The following AGBL4 variants were observed in gnomAD, a reference collection of about 807,000 sequenced individuals.
AGBL4 encodes cytosolic carboxypeptidase 6.
A neutral mutation model predicts 66.4 loss-of-function variants in AGBL4; 58 were observed. The ratio of observed to expected loss-of-function variants is 0.87; its 90% confidence interval spans 0.71 to 1.09. AGBL4 has a LOEUF of 1.09. Ranked by LOEUF, AGBL4 falls within the 50% of genes least tolerant of loss-of-function variation. The pLI, the probability that AGBL4 is intolerant of heterozygous loss-of-function variation, is 0.00. For synonymous variants in AGBL4, 234 were observed against 222.9 expected, an observed-to-expected ratio of 1.05 and a Z score of -0.44; for missense variants, 579 against 631.0, an observed-to-expected ratio of 0.92 and a Z score of 0.88.
intron 2 of AGBL4, among the ~76,000 whole-genome samples, chr1:49,719,207 T>C (rs1044782643): frequency 6.6e-6 from 1 of 152,186 alleles, no homozygotes; most frequent in South Asian, 2.1e-4. Flanking sequence ...AATCTTACTA[T>C]GCTAGAAAAT....
intron 1 of AGBL4, among the ~76,000 whole-genome samples, chr1:49,866,845 T>A (rs1403057948): frequency 6.6e-6 from 1 of 151,978 alleles, no homozygotes; most frequent in African/African-American, 2.4e-5. Context: ...CACATCATTC[T>A]CATGGCAACT....
intron 6 of AGBL4, among the ~76,000 whole-genome samples, chr1:48,746,411 C>T (rs1176479553): frequency 2.0e-5 from 3 of 151,878 alleles, no homozygotes; most frequent in African/African-American, 2.4e-5. Context: ...CTCCACAGCC[C>T]ACCCACTCTC....
chr1:49,364,772 CG>C (rs1430812647), intron 3 of AGBL4, among the ~76,000 whole-genome samples: 1 of 152,168 alleles, frequency 6.6e-6, no homozygotes, highest in Non-Finnish European at 1.5e-5. Flanking sequence ...GCCACCGTGC[CG>C]GGCCCATGTG....
intron 1 of AGBL4, among the ~76,000 whole-genome samples, chr1:49,891,931 T>A (rs1334357882): frequency 6.6e-6 from 1 of 152,164 alleles, no homozygotes; most frequent in East Asian, 1.9e-4. Context: ...CAGAGCTACA[T>A]CATCCATTCC....
intron 6 of AGBL4, among the ~76,000 whole-genome samples, chr1:48,782,236 C>T (rs1028420831): frequency 3.3e-5 from 5 of 152,322 alleles, no homozygotes; most frequent in African/African-American, 1.2e-4. Context: ...TGTGCTTTGC[C>T]TTTCATCCAA....
intron 1 of AGBL4, among the ~76,000 whole-genome samples, chr1:49,924,783 GGGA>G (rs989636333): frequency 6.6e-6 from 1 of 152,102 alleles, no homozygotes; most frequent in Non-Finnish European, 1.5e-5. Flanking sequence ...AAAATAGTAG[GGGA>G]GGAGGAGCAA....
At chr1:48,907,547 T>A (rs1330348265) in intron 5 of AGBL4, among the ~76,000 whole-genome samples, 1 of 152,142 alleles carries the variant, frequency 6.6e-6, no homozygotes, top group Non-Finnish European at 1.5e-5. Context: ...CCCTGAAGCC[T>A]TATATCAAGC....
intron 6 of AGBL4, among the ~76,000 whole-genome samples, chr1:48,782,651 G>A (rs1645324014): frequency 6.6e-6 from 1 of 152,112 alleles, no homozygotes; most frequent in Non-Finnish European, 1.5e-5. Flanking sequence ...AAATTAAGAG[G>A]CAAGTACAGA....
intron 3 of AGBL4, among the ~76,000 whole-genome samples, chr1:49,651,234 T>C (rs1645998403): frequency 6.6e-6 from 1 of 152,140 alleles, no homozygotes; most frequent in Admixed American, 6.5e-5. Flanking sequence ...AGGATTGTGT[T>C]CCTGCCTGCC....
intron 6 of AGBL4, among the ~76,000 whole-genome samples, chr1:48,787,856 C>A (rs1005765122): frequency 1.3e-5 from 2 of 152,204 alleles, no homozygotes; most frequent in Non-Finnish European, 2.9e-5. Flanking sequence ...TTTATCTCAA[C>A]TGGTAGGTCT....
chr1:49,644,239 C>G (rs1571236271), intron 3 of AGBL4, among the ~76,000 whole-genome samples: 2 of 151,644 alleles, frequency 1.3e-5, no homozygotes, highest in East Asian at 3.9e-4. Flanking sequence ...AAGATGGAAT[C>G]AACAAAAATG....
chr1:49,100,234 T>G (rs370206465), intron 4 of AGBL4, among the ~76,000 whole-genome samples: 2 of 152,174 alleles, frequency 1.3e-5, no homozygotes, highest in East Asian at 3.9e-4. Flanking sequence ...GCTCTGGAGC[T>G]AGAATGGCTT....
chr1:49,539,002 A>T (rs1651809823), intron 3 of AGBL4, among the ~76,000 whole-genome samples: 1 of 152,178 alleles, frequency 6.6e-6, no homozygotes. Flanking sequence ...TCAGTATACT[A>T]TCATTTATAG....
At chr1:48,599,242 A>T (rs1645040884) in intron 9 of AGBL4, among the ~76,000 whole-genome samples, 1 of 152,232 alleles carries the variant, frequency 6.6e-6, no homozygotes, top group South Asian at 2.1e-4. Context: ...GTAGAAGTAC[A>T]CTCTAAAATA....
At chr1:49,292,309 T>C (rs1044222039) in intron 3 of AGBL4, among the ~76,000 whole-genome samples, 4 of 152,292 alleles carry the variant, frequency 2.6e-5, no homozygotes, top group Admixed American at 1.3e-4. Flanking sequence ...CTGGATGTCA[T>C]GAACAGCAGC....
chr1:49,773,628 T>G (rs1488084766), intron 2 of AGBL4, among the ~76,000 whole-genome samples: 2 of 152,188 alleles, frequency 1.3e-5, no homozygotes, highest in Non-Finnish European at 2.9e-5. Flanking sequence ...CAGGGTTCCC[T>G]GTTGGCCAGG....
At chr1:49,517,928 T>G (rs1649960519) in intron 3 of AGBL4, among the ~76,000 whole-genome samples, 1 of 152,028 alleles carries the variant, frequency 6.6e-6, no homozygotes, top group African/African-American at 2.4e-5. Flanking sequence ...TGTTACAAAT[T>G]CTGTTCCTTT....
intron 5 of AGBL4, among the ~76,000 whole-genome samples, chr1:48,970,016 G>A (rs567927076): frequency 6.6e-6 from 1 of 152,288 alleles, no homozygotes; most frequent in East Asian, 1.9e-4. Flanking sequence ...CAGGAAAACT[G>A]AGGCACAGGA....
intron 5 of AGBL4, among the ~76,000 whole-genome samples, chr1:48,928,775 A>G (rs1470274350): frequency 1.3e-5 from 2 of 152,196 alleles, no homozygotes; most frequent in Non-Finnish European, 2.9e-5. Context: ...AGGCATAATA[A>G]TAGACAGCTC....
Sources: allele counts gnomAD v4.1 joint callset (sites outside exome capture counted in the v4.1 genomes callset), GRCh38; gene constraint gnomAD v4.1.1; transcripts MANE v1.5; gene names NCBI Gene and HGNC (gene_info 2026-07-23, HGNC 2026-07-21).